Variants in NLRP7 observed in about 807,000 individuals in gnomAD.
The protein encoded by NLRP7 is NLR family pyrin domain containing 7, also known as NACHT, LRR and PYD domains-containing protein 7.
A neutral mutation model predicts 85.5 loss-of-function variants in NLRP7; 72 were observed. The ratio of observed to expected loss-of-function variants is 0.84; its 90% CI spans 0.70 to 1.02. The LOEUF is 1.02. Among genes scored for constraint, NLRP7 ranks in the 50% least tolerant of loss-of-function variants. The probability of loss-of-function intolerance (pLI) is 0.00; values close to 1 mark genes in which losing one functional copy is unlikely to be tolerated. For synonymous variants in NLRP7, 550 were observed against 505.2 expected (o/e 1.09, Z -1.19); for missense variants, 1,243 against 1,219.5 (o/e 1.02, Z -0.29).
chr19:54,934,758 G>T lies in NLRP7; in HGVS notation c.2301-99C>A. On this transcript the variant is annotated intron_variant, in intron 6 of 9. Coordinates refer to ENST00000340844, the Ensembl canonical transcript of NLRP7. This position sits in a 1 kb window ranked among gnomAD's most constrained non-coding sequence, Gnocchi z 6.7. The stretch of plus-strand genomic sequence containing the variant: ...AGAGTTTCACTCTGTTGCCCAGTCT[G>T]GAATGCAAAGGCGTGATCTCACCTC... 2.1e-6 allele frequency: 2 copies of T among 973,526 alleles called. No individual in the cohort carries two copies. Among genetic ancestry groups the T allele is most frequent in the Non-Finnish European group, 3.0e-6 (2 of 662,360 alleles). 60.3% of individuals were successfully genotyped at this position (973,526 alleles called of 1,614,324 possible). A position where few individuals can be genotyped will look rare whatever the true frequency, so the allele number is the denominator to read the frequency against.
At chr19:54,966,170 A>G (rs1465402951) in exon 1 of NLRP7, 5 of 151,512 alleles carry the variant, frequency 3.3e-5, no homozygotes, top group African/African-American at 1.2e-4. Flanking sequence ...AGTGTAACCA[A>G]TCAAGCAGAA....
exon 10 of NLRP7, chr19:54,923,690 G>A (rs2068312378): frequency 2.5e-6 from 4 of 1,607,858 alleles, no homozygotes; most frequent in South Asian, 1.1e-5. Flanking sequence ...AGACATCTTA[G>A]AGACCCGAAT....
At chr19:54,941,138 C>T (rs545157037) in intron 2 of NLRP7, 133 bp from the exon 3 acceptor site, 18 of 778,110 alleles carry the variant, frequency 2.3e-5, no homozygotes, top group Non-Finnish European at 2.7e-5. Flanking sequence ...CTGAGGTGGG[C>T]GGATCACAAG....
At chr19:54,960,474 A>T (rs2070003982) in intron 1 of NLRP7, among the ~76,000 whole-genome samples, 1 of 151,712 alleles carries the variant, frequency 6.6e-6, no homozygotes, top group South Asian at 2.1e-4. Flanking sequence ...GTTTAAATCC[A>T]TCCTTCTCCC....
chr19:54,940,059 C>G, exon 4 of NLRP7: 1 of 1,614,182 alleles, frequency 6.2e-7, no homozygotes, highest in Non-Finnish European at 8.5e-7. Context: ...TCATCAAGGC[C>G]ATCGACCACG....
intron 8 of NLRP7, among the ~76,000 whole-genome samples, chr19:54,932,842 C>T (rs1054727630): frequency 9.9e-5 from 15 of 151,794 alleles, no homozygotes; most frequent in Admixed American, 1.3e-4. Context: ...TTTTTAGTAG[C>T]GATGGGTTTT....
intron 5 of NLRP7, 122 bp downstream of exon 5, chr19:54,937,920 AAG>A: frequency 1.4e-5 from 11 of 779,230 alleles, no homozygotes; most frequent in African/African-American, 3.5e-5. Context: ...AAAAAAAAAA[AAG>A]ACAGCTGGAA....
upstream of NLRP7, among the ~76,000 whole-genome samples, chr19:54,952,233 C>G (rs996001918): frequency 6.6e-6 from 1 of 152,048 alleles, no homozygotes; most frequent in East Asian, 1.9e-4. Flanking sequence ...AACACTGCGT[C>G]TTCATGCCCC....
At chr19:54,941,839 G>T in intron 1 of NLRP7, 89 bp from the exon 2 acceptor site, 2 of 954,644 alleles carry the variant, frequency 2.1e-6, no homozygotes, top group South Asian at 1.7e-5. Context: ...GACTGTTCCT[G>T]CTGTACAGTG....
rs947892045 is a variant in NLRP7, at chr19:54,939,164, T to C, written c.1655A>G (p.Gln552Arg). The stretch of plus-strand genomic sequence containing the variant: ...ATTTGCATGAAGATGTGCTTTGCAT[T>C]GCAGCAATTCCTGTTTGATGTCCGG... Residue 552 changes from glutamine (Q) to arginine (R), a missense_variant, in exon 4 of 10, where the codon CAA becomes CGA. This residue lies in a region of NLRP7 where 613 missense variants were observed against 588.4 expected (regional missense o/e 1.04). Coordinates refer to ENST00000340844, the Ensembl canonical transcript of NLRP7. The C allele has an allele frequency of 8.1e-6, 13 of 1,614,236 alleles. No individual in the cohort carries two copies. In the African/African-American group the frequency reaches 1.5e-4, roughly 18 times the overall value.
At chr19:54,942,836 AAGAGGACAGATATAAATATAACTGTACT>A in intron 1 of NLRP7, among the ~76,000 whole-genome samples, 1 of 151,990 alleles carries the variant, frequency 6.6e-6, no homozygotes, top group African/African-American at 2.4e-5. Flanking sequence ...AACAAATAGC[AAGAGGACAGATATAAATATAACTGTACT>A]GGCCGGGTAT....
exon 4 of NLRP7, chr19:54,940,117 C>G: frequency 6.2e-7 from 1 of 1,614,218 alleles, no homozygotes; most frequent in Non-Finnish European, 8.5e-7. Context: ...TGTCATCCTG[C>G]AATTCAGGCC....
chr19:54,938,528 A>C (rs778164162), intron 4 of NLRP7, among the ~76,000 whole-genome samples: 3 of 152,146 alleles, frequency 2.0e-5, no homozygotes, highest in Non-Finnish European at 4.4e-5. Context: ...GTTTAAGACC[A>C]ACTTGGGCTA....
exon 10 of NLRP7, chr19:54,923,569 G>A (rs2068307458): frequency 1.3e-6 from 1 of 741,326 alleles, no homozygotes; most frequent in African/African-American, 1.7e-5. Context: ...TCATGTGAAG[G>A]GGGTGCGTGA....
chr19:54,942,672 G>A (rs772005150), intron 1 of NLRP7, among the ~76,000 whole-genome samples: 1 of 151,878 alleles, frequency 6.6e-6, no homozygotes, highest in Non-Finnish European at 1.5e-5. Context: ...CTGAGATCAC[G>A]CCATTGCACT....
At chr19:54,957,174 C>G (rs1448851442) in intron 1 of NLRP7, among the ~76,000 whole-genome samples, 4 of 151,394 alleles carry the variant, frequency 2.6e-5, no homozygotes, top group Non-Finnish European at 2.9e-5. Context: ...GGGCACACCA[C>G]CACACCTGGC....
chr19:54,930,409 C>T, intron 9 of NLRP7, 90 bp downstream of exon 9: 3 of 881,530 alleles, frequency 3.4e-6, no homozygotes, highest in Non-Finnish European at 3.7e-6. Context: ...CCGCAGTGAG[C>T]CGTAATCACC....
At chr19:54,947,666 C>G (rs1225349145), upstream of NLRP7, 1 of 1,288,350 alleles carries the variant, frequency 7.8e-7, no homozygotes. Context: ...GGGCCCCATC[C>G]TCAGGGATTT....
At chr19:54,947,788 G>C (rs9941465), upstream of NLRP7, 1 of 510,738 alleles carries the variant, frequency 2.0e-6, no homozygotes, top group African/African-American at 2.0e-5. Flanking sequence ...TGTGATAGGC[G>C]ACAGAACAGG....
Sources: allele counts gnomAD v4.1 joint callset (sites outside exome capture counted in the v4.1 genomes callset), GRCh38; gene constraint gnomAD v4.1.1; regional missense constraint gnomAD v4.1.1; non-coding constraint Gnocchi (gnomAD v3.1); transcripts MANE v1.5; gene names NCBI Gene and HGNC (gene_info 2026-07-23, HGNC 2026-07-21).